Variants in RASGRP3 observed in about 807,000 individuals in gnomAD.
RASGRP3 encodes RAS guanyl releasing protein 3, also known as ras guanyl-releasing protein 3.
RASGRP3 carries 54 observed loss-of-function variants against 82.7 expected under a neutral mutation model. The observed-to-expected ratio is 0.65, with a 90% CI of 0.52 to 0.82. RASGRP3 has a LOEUF of 0.82. Ranked by LOEUF, RASGRP3 falls within the 40% of genes least tolerant of loss-of-function variation. The probability of loss-of-function intolerance (pLI) is 0.00; values close to 1 mark genes in which losing one functional copy is unlikely to be tolerated. For synonymous variants in RASGRP3, 309 were observed against 300.5 expected (o/e 1.03, Z -0.29); for missense variants, 861 against 828.9 (o/e 1.04, Z -0.48).
intron 2 of RASGRP3, among the ~76,000 whole-genome samples, chr2:33,514,804 G>T (rs1239416452): frequency 6.6e-6 from 1 of 152,098 alleles, no homozygotes; most frequent in Non-Finnish European, 1.5e-5. Context: ...ACATTTCCAT[G>T]GTCTCCAAGC....
chr2:33,534,309 TAA>T lies in RASGRP3; in HGVS notation c.1084-13_1084-12del. The T allele has an allele frequency of 6.6e-7, 1 of 1,524,064 alleles. No individual in the cohort carries two copies. Among genetic ancestry groups the T allele is most frequent in the Non-Finnish European group, 9.1e-7 (1 of 1,101,674 alleles). The allele number at this position is 1,524,064 out of a possible 1,614,324, so 94.4% of individuals were successfully genotyped here. A position where few individuals can be genotyped will look rare whatever the true frequency, so the allele number is the denominator to read the frequency against. On this transcript the variant is annotated splice_polypyrimidine_tract_variant and intron_variant, in intron 10 of 17. Coordinates refer to ENST00000403687, the MANE Select transcript of RASGRP3 (RefSeq NM_001139488.2). Reference sequence around the variant, plus strand: ...TGTAATCCGACATTTTTATCCCTTCTAATTTTGTTGTAGCTTTCCCTGGACCT... The same window carrying T: ...TGTAATCCGACATTTTTATCCCTTCTTTTTGTTGTAGCTTTCCCTGGACCT...
At chr2:33,500,589 G>A (rs550386240) in intron 1 of RASGRP3, among the ~76,000 whole-genome samples, 73 of 152,238 alleles carry the variant, frequency 4.8e-4, no homozygotes, top group African/African-American at 1.6e-3. Flanking sequence ...ATACTGGGAG[G>A]CAGGTTGAGC....
intron 2 of RASGRP3, among the ~76,000 whole-genome samples, chr2:33,464,110 A>AATAATAATAATTATT (rs1398514920): frequency 1.0e-4 from 15 of 144,264 alleles, no homozygotes; most frequent in African/African-American, 3.1e-4. Flanking sequence ...TAATAATAAT[A>AATAATAATAATTATT]ATTATTATTA....
intron 6 of RASGRP3, 67 bp from the exon 7 acceptor site, chr2:33,521,888 G>C (rs1574412306): frequency 6.5e-7 from 1 of 1,535,706 alleles, no homozygotes; most frequent in East Asian, 2.3e-5. Flanking sequence ...AGAGTCAGTA[G>C]GTTAATAACT....
intron 4 of RASGRP3, among the ~76,000 whole-genome samples, chr2:33,517,850 C>T (rs753487456): frequency 6.6e-6 from 1 of 152,130 alleles, no homozygotes; most frequent in African/African-American, 2.4e-5. Flanking sequence ...GGCATAGTAA[C>T]GTTTAATGTG....
intron 8 of RASGRP3, 27 bp downstream of exon 8, chr2:33,524,079 T>C: frequency 6.2e-7 from 1 of 1,606,588 alleles, no homozygotes; most frequent in South Asian, 1.1e-5. Flanking sequence ...GACTGGGTTC[T>C]TGAGTTCTAG....
intron 1 of RASGRP3, among the ~76,000 whole-genome samples, chr2:33,446,678 G>A (rs911651341): frequency 1.3e-5 from 2 of 152,078 alleles, no homozygotes; most frequent in Admixed American, 1.3e-4. Context: ...CTCAAGAAAT[G>A]ATCCTCAACA....
intron 1 of RASGRP3, among the ~76,000 whole-genome samples, chr2:33,504,786 C>T (rs1011501250): frequency 2.0e-5 from 3 of 151,158 alleles, no homozygotes; most frequent in African/African-American, 4.9e-5. Flanking sequence ...AGATTCTGTC[C>T]TTGGAGATTG....
At chr2:33,463,843 G>A (rs974048510) in intron 2 of RASGRP3, among the ~76,000 whole-genome samples, 13 of 151,480 alleles carry the variant, frequency 8.6e-5, no homozygotes, top group Non-Finnish European at 1.0e-4. Context: ...CTCGTGATCC[G>A]CCTGCCTCGG....
intron 11 of RASGRP3, among the ~76,000 whole-genome samples, chr2:33,537,487 T>C (rs982466076): frequency 2.6e-5 from 4 of 151,848 alleles, no homozygotes; most frequent in African/African-American, 9.7e-5. Flanking sequence ...GCCTCCCAAG[T>C]AGCTTGGACT....
intron 14 of RASGRP3, among the ~76,000 whole-genome samples, chr2:33,551,843 A>T (rs994720193): frequency 6.6e-6 from 1 of 151,994 alleles, no homozygotes; most frequent in Non-Finnish European, 1.5e-5. Context: ...AATACAAAAA[A>T]TTAGCAGGGT....
chr2:33,521,803 C>T (rs978354150), intron 6 of RASGRP3, among the ~76,000 whole-genome samples, 152 bp from the exon 7 acceptor site: 1 of 152,214 alleles, frequency 6.6e-6, no homozygotes, highest in African/African-American at 2.4e-5. Flanking sequence ...GGCAACTGGT[C>T]AGTGGTTTTC....
At chr2:33,477,577 CCTT>C (rs1295667262) in intron 1 of RASGRP3, among the ~76,000 whole-genome samples, 1 of 152,220 alleles carries the variant, frequency 6.6e-6, no homozygotes, top group Non-Finnish European at 1.5e-5. Context: ...AGAACCGGCT[CCTT>C]CTCAGGTTCA....
Position 33,558,802 on chromosome 2 carries a change from G to T in RASGRP3, c.1836G>T (p.Gln612His). 6.2e-7 allele frequency: 1 copy of T among 1,614,010 alleles called. No homozygotes were observed. Among genetic ancestry groups the T allele is most frequent in the Non-Finnish European group, 8.5e-7 (1 of 1,179,896 alleles). Reference protein sequence around the residue: ...SVRLQRATTSQATQTEPVWSE... With the variant: ...SVRLQRATTSHATQTEPVWSE... ...GGCTACAGAGGGCCACCACCAGCCA[G>T]GCCACCCAGACTGAACCTGTCTGGT... The change falls in exon 17 of 18, where the codon CAG (glutamine) becomes CAT (histidine). Residue 612 changes from glutamine (Q) to histidine (H), a missense_variant. Transcript: ENST00000403687.
rs539129805 is a variant in RASGRP3 at position 33,564,721 on chromosome 2, A to G, written c.*1984A>G. 4 of 152,304 alleles carry G rather than the reference A, an allele frequency of 2.6e-5. No individual in the cohort carries two copies. The highest frequency in any genetic ancestry group is 4.1e-4 in the South Asian group (2 of 4,824). The allele number at this position is 152,304 out of a possible 1,614,324, so 9.4% of individuals were successfully genotyped here. ...TAACTTGAGTAAAAAATAAAAAAGA[A>G]TAACTATGTATATACATATATAAAT... On this transcript the variant is annotated 3_prime_UTR_variant, in exon 18 of 18. Coordinates refer to ENST00000403687, the MANE Select transcript of RASGRP3 (RefSeq NM_001139488.2).
chr2:33,466,127 C>T (rs1055607048), intron 2 of RASGRP3, among the ~76,000 whole-genome samples: 6 of 152,170 alleles, frequency 3.9e-5, no homozygotes, highest in Admixed American at 2.6e-4. Flanking sequence ...AGAAGTAATT[C>T]CAACTTTCAA....
intron 1 of RASGRP3, chr2:33,482,229 T>A (rs936401120): frequency 2.0e-5 from 3 of 152,258 alleles, no homozygotes; most frequent in East Asian, 1.9e-4. Flanking sequence ...TTAGCCAGGA[T>A]GGTCTCGATT....
rs1272094473 is a variant in RASGRP3, at chr2:33,564,681, T to TAAAG, written c.*1946_*1949dup. ...TTTTATATTGCCAGCCTTCCTGTGA[T>TAAAG]AAAGATATTAAATGTAACTTGAGTA... On this transcript the variant is annotated 3_prime_UTR_variant, in exon 18 of 18. Coordinates refer to ENST00000403687, the MANE Select transcript of RASGRP3 (RefSeq NM_001139488.2). 3 of 152,178 alleles carry TAAAG rather than the reference T, an allele frequency of 2.0e-5. No individual in the cohort carries two copies. Among genetic ancestry groups the TAAAG allele is most frequent in the African/African-American group, 7.2e-5 (3 of 41,436 alleles). 9.4% of individuals were successfully genotyped at this position (152,178 alleles called of 1,614,324 possible).
At chr2:33,502,497 CTTTCTTTTTTT>C (rs1271512675) in intron 1 of RASGRP3, among the ~76,000 whole-genome samples, 21 of 125,380 alleles carry the variant, frequency 1.7e-4, no homozygotes, top group African/African-American at 6.3e-4. Context: ...TTCTTTTTTT[CTTTCTTTTTTT>C]TTTTTTTGAG....
Sources: allele counts gnomAD v4.1 joint callset (sites outside exome capture counted in the v4.1 genomes callset), GRCh38; gene constraint gnomAD v4.1.1; transcripts MANE v1.5; gene names NCBI Gene and HGNC (gene_info 2026-07-23, HGNC 2026-07-21).